The following SPTBN1 variants were observed in gnomAD, a reference collection of about 807,000 sequenced individuals.
SPTBN1 encodes the protein spectrin beta chain, non-erythrocytic 1.
In SPTBN1, 32 loss-of-function variants were observed where a neutral mutation model predicts 266.4. The ratio of observed to expected loss-of-function variants is 0.12; its 90% CI spans 0.09 to 0.16. The LOEUF (loss-of-function observed/expected upper bound fraction) is 0.16, where lower values mean the gene tolerates loss of function less well. Ranked by LOEUF, SPTBN1 falls within the 10% of genes least tolerant of loss-of-function variation. The probability of loss-of-function intolerance (pLI) is 1.00; values close to 1 mark genes in which losing one functional copy is unlikely to be tolerated. For missense variants in SPTBN1, 2,296 were observed against 3,067.1 expected, an observed-to-expected ratio of 0.75 and a Z score of 5.94; for synonymous variants, 1,336 against 1,162.2, an observed-to-expected ratio of 1.15 and a Z score of -3.04.
chr2:54,590,672 A>G (rs1675614056), intron 2 of SPTBN1, among the ~76,000 whole-genome samples: 1 of 152,238 alleles, frequency 6.6e-6, no homozygotes, highest in Admixed American at 6.5e-5. Context: ...AGGTTAGAAG[A>G]ATGATAGAAG....
chr2:54,529,675 A>C, intron 2 of SPTBN1: 1 of 719,632 alleles, frequency 1.4e-6, no homozygotes. Context: ...ACCAGATCAA[A>C]CAGGCTGTGA....
chr2:54,495,630 A>G (rs1668926305), intron 1 of SPTBN1, among the ~76,000 whole-genome samples: 3 of 151,740 alleles, frequency 2.0e-5, no homozygotes, highest in Admixed American at 2.0e-4. Flanking sequence ...ATTGTTTCAG[A>G]TATATGTATG....
rs1312553630 is a variant in SPTBN1, at chr2:54,599,075, T to C, written c.149-17T>C. 1 of 1,613,146 alleles carries C rather than the reference T, an allele frequency of 6.2e-7. No homozygotes were observed. Among genetic ancestry groups the C allele is most frequent in the Non-Finnish European group, 8.5e-7 (1 of 1,179,454 alleles). On this transcript the variant is annotated splice_polypyrimidine_tract_variant and intron_variant, in intron 2 of 35. Transcript: ENST00000356805. ...GTTCTGTGGTCAATGGTAAAACAAG[T>C]TCTTCTCTGCTTGCAGATGAGCGTG...
chr2:54,541,752 A>G (rs1203624729), intron 2 of SPTBN1, among the ~76,000 whole-genome samples: 1 of 152,228 alleles, frequency 6.6e-6, no homozygotes, highest in Non-Finnish European at 1.5e-5. Flanking sequence ...ATAATTTTCA[A>G]CCATTTCAGT....
intron 1 of SPTBN1, among the ~76,000 whole-genome samples, chr2:54,465,547 A>G (rs1189917998): frequency 1.3e-5 from 2 of 151,446 alleles, no homozygotes; most frequent in Non-Finnish European, 2.9e-5. Flanking sequence ...ACTAATTTTA[A>G]TATTCTTCGT....
chr2:54,631,575 A>C lies in SPTBN1; in HGVS notation c.3528A>C (p.Arg1176Ser). 6.2e-7 allele frequency: 1 copy of C among 1,613,720 alleles called. No individual in the cohort carries two copies. Among genetic ancestry groups the C allele is most frequent in the Non-Finnish European group, 8.5e-7 (1 of 1,179,866 alleles). Residue 1176 changes from arginine to serine, a missense_variant, in exon 16 of 36, where the codon AGA becomes AGC. Around this residue, in one of 12 missense-constraint regions of SPTBN1, gnomAD observed 386 missense variants for 486.1 expected, o/e 0.79. Transcript: ENST00000356805. Reference protein sequence around the residue: ...SQSHAYQQFLRDTKQAEAFLN... With the variant: ...SQSHAYQQFLSDTKQAEAFLN... ...CACATGCCTACCAGCAGTTCCTCAGAGACACGAAGCAAGCCGAAGCCTTTC... is the reference window on the plus strand; with the variant it reads ...CACATGCCTACCAGCAGTTCCTCAGCGACACGAAGCAAGCCGAAGCCTTTC...
intron 19 of SPTBN1, among the ~76,000 whole-genome samples, chr2:54,643,958 C>T (rs72906405): frequency 0.014 from 2,100 of 148,492 alleles, 51 homozygotes; most frequent in African/African-American, 0.048. Flanking sequence ...GGTGATAGAA[C>T]GAGACTCTGT....
chr2:54,510,556 C>G (rs548322222), intron 1 of SPTBN1, among the ~76,000 whole-genome samples: 1 of 152,340 alleles, frequency 6.6e-6, no homozygotes, highest in South Asian at 2.1e-4. Flanking sequence ...GTTCATTCTT[C>G]TGTGCTGCTG....
At chr2:54,462,383 A>G (rs1693408851) in intron 1 of SPTBN1, among the ~76,000 whole-genome samples, 2 of 152,204 alleles carry the variant, frequency 1.3e-5, no homozygotes, top group Non-Finnish European at 2.9e-5. Context: ...ATACAGTCTG[A>G]AGAGACCACT....
intron 18 of SPTBN1, among the ~76,000 whole-genome samples, chr2:54,641,970 G>A (rs998681342): frequency 6.6e-6 from 1 of 152,252 alleles, no homozygotes; most frequent in Admixed American, 6.5e-5. Context: ...AATAACTGGT[G>A]TAAAAGTGGG....
At chr2:54,590,298 A>G (rs1675582466) in intron 2 of SPTBN1, among the ~76,000 whole-genome samples, 1 of 152,230 alleles carries the variant, frequency 6.6e-6, no homozygotes, top group African/African-American at 2.4e-5. Context: ...TTAACTGCCT[A>G]GGGCCTGTCT....
At chr2:54,521,577 G>A (rs1427564109) in intron 1 of SPTBN1, among the ~76,000 whole-genome samples, 1 of 152,052 alleles carries the variant, frequency 6.6e-6, no homozygotes, top group Non-Finnish European at 1.5e-5. Context: ...GCAGTGACAC[G>A]ATCATGGCTC....
At chr2:54,633,684 GC>G (rs1678919639) in intron 17 of SPTBN1, among the ~76,000 whole-genome samples, 1 of 152,194 alleles carries the variant, frequency 6.6e-6, no homozygotes, top group Non-Finnish European at 1.5e-5. Flanking sequence ...CAAAAAACAA[GC>G]CCTTCCTTTC....
intron 2 of SPTBN1, chr2:54,528,699 T>TAAAA (rs10591541): frequency 7.0e-6 from 1 of 142,484 alleles, no homozygotes; most frequent in Non-Finnish European, 1.6e-5. Flanking sequence ...TTCAGTAAAG[T>TAAAA]AAAAAAAAAA....
chr2:54,532,246 G>A (rs1016343250), intron 2 of SPTBN1, among the ~76,000 whole-genome samples: 2 of 152,048 alleles, frequency 1.3e-5, no homozygotes, highest in Non-Finnish European at 2.9e-5. Flanking sequence ...CCGAGATCAC[G>A]CCACTGCACT....
chr2:54,536,270 T>C (rs189847926), intron 2 of SPTBN1, among the ~76,000 whole-genome samples: 2 of 152,354 alleles, frequency 1.3e-5, no homozygotes, highest in African/African-American at 4.8e-5. Flanking sequence ...GTTATGTGTA[T>C]TTTAAAAATA....
At chr2:54,621,727 C>A (rs1052617911) in intron 8 of SPTBN1, among the ~76,000 whole-genome samples, 3 of 152,176 alleles carry the variant, frequency 2.0e-5, no homozygotes, top group Admixed American at 6.5e-5. Context: ...ATCTCAAACC[C>A]AGCAACATCT....
At chr2:54,659,340 A>C (rs1002605195) in intron 31 of SPTBN1, 74 bp downstream of exon 31, 3 of 1,441,206 alleles carry the variant, frequency 2.1e-6, no homozygotes, top group South Asian at 2.3e-5. Context: ...ATCTTTCTGA[A>C]GCCTTGCATT....
Position 54,653,490 on chromosome 2 carries a change from T to G in SPTBN1, c.5578-119T>G. On this transcript the variant is annotated intron_variant, in intron 26 of 35. Coordinates refer to ENST00000356805, the MANE Select transcript of SPTBN1 (RefSeq NM_003128.3). The surrounding 1 kb of genome is among the most constrained non-coding windows in gnomAD (Gnocchi z 5.1). ...GAAATTGAGGGCTCCTTAAGGGGCA[T>G]GGGCCATATTTTGACTCTGTGCTCC... 1 of 1,480,300 alleles carries G rather than the reference T, an allele frequency of 6.8e-7. No homozygotes were observed. Among genetic ancestry groups the G allele is most frequent in the Non-Finnish European group, 9.0e-7 (1 of 1,116,150 alleles). 91.7% of individuals were successfully genotyped at this position (1,480,300 alleles called of 1,614,324 possible).
Sources: gnomAD v4.1 joint callset for allele counts (sites outside exome capture counted in the v4.1 genomes callset) on GRCh38, gnomAD v4.1.1 for gene constraint, gnomAD v4.1.1 regional missense constraint, Gnocchi (gnomAD v3.1) non-coding constraint, MANE v1.5 for transcripts, NCBI Gene and HGNC (gene_info 2026-07-23, HGNC 2026-07-21) for gene names.